MED12L: variants seen among roughly 807,000 people sequenced by gnomAD.
The protein encoded by MED12L is mediator of RNA polymerase II transcription subunit 12-like protein.
In MED12L, 60 loss-of-function variants were observed where a neutral mutation model predicts 281.3. The ratio of observed to expected loss-of-function variants is 0.21; its 90% CI spans 0.17 to 0.26. The LOEUF is 0.26. Among genes scored for constraint, MED12L ranks in the 10% least tolerant of loss-of-function variants. The pLI is 1.00. For synonymous variants in MED12L, 974 were observed against 987.2 expected (o/e 0.99, Z 0.25); for missense variants, 2,146 against 2,680.9 (o/e 0.80, Z 4.41).
At chr3:151,116,649 C>T (rs1255177026) in intron 3 of MED12L, among the ~76,000 whole-genome samples, 2 of 152,174 alleles carry the variant, frequency 1.3e-5, no homozygotes, top group Non-Finnish European at 2.9e-5. Flanking sequence ...TAGTACAGTA[C>T]AGCTCTCTGC....
Position 151,116,301 on chromosome 3 carries a change from A to C in MED12L, c.100-37A>C, listed in dbSNP as rs1237767997. 2.7e-6 allele frequency: 4 copies of C among 1,456,612 alleles called. No homozygotes were observed. The African/African-American group carries it at 5.6e-5, about 20-fold the overall frequency. The allele number at this position is 1,456,612 out of a possible 1,614,324, so 90.2% of individuals were successfully genotyped here. On this transcript the variant is annotated intron_variant, in intron 2 of 44. Coordinates refer to ENST00000687756, the MANE Select transcript of MED12L (RefSeq NM_001393769.1). ...TATGTGGGATTATGTTGAAGCTTTTACATCCTTCTGCTTAATCAATACCGT... is the reference window on the plus strand; with the variant it reads ...TATGTGGGATTATGTTGAAGCTTTTCCATCCTTCTGCTTAATCAATACCGT...
intron 2 of MED12L, 88 bp from the exon 3 acceptor site, chr3:151,116,249 CA>C: frequency 1.2e-6 from 1 of 848,144 alleles, no homozygotes; most frequent in Non-Finnish European, 1.9e-6. Context: ...CAGAGTATAA[CA>C]AATTTAGCCA....
At chr3:151,406,562 T>C (rs1022251749) in intron 39 of MED12L, among the ~76,000 whole-genome samples, 1 of 152,190 alleles carries the variant, frequency 6.6e-6, no homozygotes, top group Non-Finnish European at 1.5e-5. Flanking sequence ...TTAAGTAGTA[T>C]GTTGGGACAA....
At chr3:151,383,691 A>AAAAC in intron 33 of MED12L, 88 bp from the exon 34 acceptor site, 1 of 807,800 alleles carries the variant, frequency 1.2e-6, no homozygotes, top group South Asian at 1.8e-5. Flanking sequence ...TTTTAAATAA[A>AAAAC]AAACAATCAA....
At chr3:151,250,500 A>G (rs1168245238) in intron 16 of MED12L, among the ~76,000 whole-genome samples, 4 of 152,176 alleles carry the variant, frequency 2.6e-5, no homozygotes, top group South Asian at 2.1e-4. Context: ...TACTCTAGCT[A>G]TCTCATAGAA....
At chr3:151,369,980 C>T (rs1185903478) in intron 26 of MED12L, among the ~76,000 whole-genome samples, 1 of 152,102 alleles carries the variant, frequency 6.6e-6, no homozygotes, top group East Asian at 1.9e-4. Context: ...AGTATTTTTG[C>T]TCCTATCATG....
intron 17 of MED12L, among the ~76,000 whole-genome samples, chr3:151,351,478 G>A (rs1753230803): frequency 6.6e-6 from 1 of 152,168 alleles, no homozygotes; most frequent in South Asian, 2.1e-4. Context: ...GAAGGGAAAT[G>A]AAACCTTCTT....
chr3:151,334,515 A>G (rs966440563), intron 16 of MED12L, among the ~76,000 whole-genome samples: 2 of 148,856 alleles, frequency 1.3e-5, no homozygotes, highest in Non-Finnish European at 3.0e-5. Context: ...TTATTTGTTT[A>G]TTTATTTAGA....
At position 151,127,959 on chromosome 3, in the gene MED12L, A is replaced by G. The variant is rs144591180; in HGVS notation, c.531A>G (p.Lys177=). The change falls in exon 5 of 45, where the codon AAA becomes AAG. Residue 177 remains lysine (K), a synonymous_variant. Transcript: ENST00000687756. Reference sequence around the variant, plus strand: ...CTATATCTGAAGCTAAAATTAAGAAACGTCAGGCTCCTGATCCGAATTTGG... The same window carrying G: ...CTATATCTGAAGCTAAAATTAAGAAGCGTCAGGCTCCTGATCCGAATTTGG... ...YSAISEAKIK[K]RQAPDPNLEW... 404 of 1,613,024 alleles carry G rather than the reference A, an allele frequency of 2.5e-4. No individual in the cohort carries two copies. Among genetic ancestry groups the G allele is most frequent in the Non-Finnish European group, 3.3e-4 (394 of 1,179,758 alleles).
At position 151,233,221 on chromosome 3, in the gene MED12L, G is replaced by A. The variant is rs539174096; in HGVS notation, c.2250+39555G>A. Reference sequence around the variant, plus strand: ...CTCACCTCCACAGGGTAGCACTCTCGTGCCCTCTGAGTTTAGTCATGCCTC... The same window carrying A: ...CTCACCTCCACAGGGTAGCACTCTCATGCCCTCTGAGTTTAGTCATGCCTC... On this transcript the variant is annotated intron_variant, in intron 16 of 44. Coordinates refer to ENST00000687756, the MANE Select transcript of MED12L (RefSeq NM_001393769.1). Among the ~76,000 whole-genome samples the A allele has an allele frequency of 6.6e-5, 10 of 152,218 alleles. No homozygotes were observed. In the South Asian group the frequency reaches 1.7e-3, roughly 25 times the overall value.
At chr3:151,142,566 A>G (rs369304494) in intron 5 of MED12L, among the ~76,000 whole-genome samples, 70 of 152,290 alleles carry the variant, frequency 4.6e-4, no homozygotes, top group African/African-American at 1.5e-3. Flanking sequence ...CCCTCCTTAC[A>G]TAGTTTAGAA....
At chr3:151,125,929 G>C (rs1440043883) in intron 4 of MED12L, among the ~76,000 whole-genome samples, 1 of 152,124 alleles carries the variant, frequency 6.6e-6, no homozygotes, top group Non-Finnish European at 1.5e-5. Context: ...GTTGTGTGCA[G>C]TGTAATCGCC....
chr3:151,160,111 T>C lies in MED12L; in HGVS notation c.1107+10T>C. The C allele has an allele frequency of 6.6e-7, 1 of 1,509,004 alleles. No individual in the cohort carries two copies. Among genetic ancestry groups the C allele is most frequent in the Non-Finnish European group, 8.9e-7 (1 of 1,125,280 alleles). The allele number at this position is 1,509,004 out of a possible 1,614,324, so 93.5% of individuals were successfully genotyped here. A position where few individuals can be genotyped will look rare whatever the true frequency, so the allele number is the denominator to read the frequency against. ...TAGTTGTATGTTGCAGGTAAGTCCT[T>C]GGCCCTTGTTATTTTATGTTAAAAT... On this transcript the variant is annotated intron_variant, in intron 8 of 44. Transcript: ENST00000687756.
chr3:151,273,402 A>ATTTTTTTTTTT (rs531443713), intron 16 of MED12L, among the ~76,000 whole-genome samples: 15 of 113,574 alleles, frequency 1.3e-4, no homozygotes, highest in East Asian at 2.5e-4. Flanking sequence ...TAATTTTTGT[A>ATTTTTTTTTTT]TTTTTTTTTT....
chr3:151,336,506 G>A, intron 16 of MED12L: 1 of 456,324 alleles, frequency 2.2e-6, no homozygotes, highest in Non-Finnish European at 4.4e-6. Context: ...ATTATATTTA[G>A]GTATTGATGT....
intron 16 of MED12L, among the ~76,000 whole-genome samples, chr3:151,242,041 C>A (rs1352420245): frequency 1.3e-5 from 2 of 152,190 alleles, no homozygotes; most frequent in Non-Finnish European, 2.9e-5. Context: ...GGGTCACTCC[C>A]ACCCGAATAC....
chr3:151,250,060 T>G (rs947172564), intron 16 of MED12L, among the ~76,000 whole-genome samples: 4 of 152,140 alleles, frequency 2.6e-5, no homozygotes, highest in Non-Finnish European at 4.4e-5. Context: ...TTATTAGCAA[T>G]CATCCAGTCG....
intron 16 of MED12L, chr3:151,327,887 G>A (rs963085531): frequency 1.2e-6 from 1 of 813,280 alleles, no homozygotes; most frequent in African/African-American, 1.7e-5. Flanking sequence ...ATAATAAAAT[G>A]TAAGAGAGCA....
chr3:151,285,610 A>G (rs1182497190), intron 16 of MED12L, among the ~76,000 whole-genome samples: 2 of 152,128 alleles, frequency 1.3e-5, no homozygotes, highest in Non-Finnish European at 2.9e-5. Context: ...GGGTGCACCA[A>G]AATCTCAAAA....
Sources: gnomAD v4.1 joint callset for allele counts (sites outside exome capture counted in the v4.1 genomes callset) on GRCh38, gnomAD v4.1.1 for gene constraint, MANE v1.5 for transcripts, NCBI Gene and HGNC (gene_info 2026-07-23, HGNC 2026-07-21) for gene names.